The following ANKH variants were observed in gnomAD, a reference collection of about 807,000 sequenced individuals.
ANKH encodes ANKH inorganic pyrophosphate transport regulator, also known as mineralization regulator ANKH.
ANKH carries 15 observed loss-of-function variants against 49.0 expected under a neutral mutation model. The observed-to-expected ratio is 0.31, with a 90% CI of 0.20 to 0.47. The LOEUF (loss-of-function observed/expected upper bound fraction) is 0.47, where lower values mean the gene tolerates loss of function less well. Among genes scored for constraint, ANKH ranks in the 20% least tolerant of loss-of-function variants. The pLI, the probability that ANKH is intolerant of heterozygous loss-of-function variation, is 1.00. For missense variants in ANKH, 429 were observed against 652.0 expected (o/e 0.66, Z 3.72); for synonymous variants, 273 against 260.0 (o/e 1.05, Z -0.48).
At chr5:14,783,649 T>C (rs1219427163) in intron 1 of ANKH, among the ~76,000 whole-genome samples, 2 of 152,232 alleles carry the variant, frequency 1.3e-5, no homozygotes, top group East Asian at 1.9e-4. Flanking sequence ...TTAAGAATTA[T>C]ATGTCCTGAA....
intron 8 of ANKH, among the ~76,000 whole-genome samples, chr5:14,720,800 A>G (rs1404091664): frequency 6.6e-6 from 1 of 152,238 alleles, no homozygotes; most frequent in Non-Finnish European, 1.5e-5. Flanking sequence ...ATGTGAGATA[A>G]TGCCTCACAC....
intron 1 of ANKH, among the ~76,000 whole-genome samples, chr5:14,830,116 C>T (rs1008821581): frequency 1.3e-5 from 2 of 152,222 alleles, no homozygotes; most frequent in African/African-American, 2.4e-5. Flanking sequence ...AAAATCAGCA[C>T]AACAGACTGA....
intron 1 of ANKH, among the ~76,000 whole-genome samples, chr5:14,830,717 C>A (rs1002142312): frequency 6.6e-6 from 1 of 152,214 alleles, no homozygotes; most frequent in Non-Finnish European, 1.5e-5. Context: ...TTTTCCCAAA[C>A]TGCCTCTCCA....
intron 1 of ANKH, among the ~76,000 whole-genome samples, chr5:14,807,539 G>A (rs775652433): frequency 1.3e-5 from 2 of 152,116 alleles, no homozygotes; most frequent in Non-Finnish European, 2.9e-5. Flanking sequence ...CTGTGAGAAC[G>A]GTAAACCTAT....
At chr5:14,731,988 C>G (rs551969088) in intron 8 of ANKH, among the ~76,000 whole-genome samples, 1 of 152,330 alleles carries the variant, frequency 6.6e-6, no homozygotes, top group Admixed American at 6.5e-5. Context: ...GGAAGCATCA[C>G]GTGTGCCCCA....
Position 14,806,277 on chromosome 5 carries a change from C to T in ANKH, c.97-37086G>A, listed in dbSNP as rs185269416. Among the ~76,000 whole-genome samples the T allele has an allele frequency of 2.1e-3, 317 of 151,266 alleles. 3 individuals carry two copies. The highest frequency in any genetic ancestry group is 7.4e-3 in the African/African-American group (306 of 41,186). ...ACGACCTGCACCACCCTCAACCCCC[C>T]AAAAAAACTCGAAACATCTCAACAT... On this transcript the variant is annotated intron_variant, in intron 1 of 11. Coordinates refer to ENST00000284268, the MANE Select transcript of ANKH (RefSeq NM_054027.6).
In ANKH at chr5:14,713,398, G is replaced by C; in HGVS notation, c.1265+146C>G. ...TGGATCCCAAGAGCCTCCACCTGGTGCCTGGGCAGACACACAAAACATCAT... is the reference window on the plus strand; with the variant it reads ...TGGATCCCAAGAGCCTCCACCTGGTCCCTGGGCAGACACACAAAACATCAT... On this transcript the variant is annotated intron_variant, in intron 10 of 11. Transcript: ENST00000284268. This position sits in a 1 kb window ranked among gnomAD's most constrained non-coding sequence, Gnocchi z 4.4. 8.2e-7 allele frequency: 1 copy of C among 1,218,572 alleles called. No homozygotes were observed. Among genetic ancestry groups the C allele is most frequent in the Non-Finnish European group, 1.2e-6 (1 of 851,030 alleles). The allele number at this position is 1,218,572 out of a possible 1,614,324, so 75.5% of individuals were successfully genotyped here. A position where few individuals can be genotyped will look rare whatever the true frequency, so the allele number is the denominator to read the frequency against.
intron 2 of ANKH, chr5:14,768,228 A>G (rs1476154010): frequency 1.3e-5 from 2 of 152,322 alleles, no homozygotes. Flanking sequence ...AACAATTTTA[A>G]GGTACACAAT....
At chr5:14,779,906 T>A (rs541606955) in intron 1 of ANKH, among the ~76,000 whole-genome samples, 82 of 152,326 alleles carry the variant, frequency 5.4e-4, no homozygotes, top group Non-Finnish European at 1.0e-3. Flanking sequence ...GCCTCCTTGG[T>A]GTAAAGCGAA....
intron 1 of ANKH, among the ~76,000 whole-genome samples, chr5:14,802,382 C>T (rs1580080058): frequency 1.3e-5 from 2 of 152,182 alleles, no homozygotes; most frequent in South Asian, 2.1e-4. Context: ...CTATCACTTC[C>T]CAGACCCACC....
intron 8 of ANKH, among the ~76,000 whole-genome samples, chr5:14,736,471 A>G (rs1038492596): frequency 6.6e-6 from 1 of 152,202 alleles, no homozygotes; most frequent in Non-Finnish European, 1.5e-5. Context: ...TCTAAAGTTT[A>G]TAGCCATTTT....
At chr5:14,759,145 C>T (rs958944411) in intron 2 of ANKH, among the ~76,000 whole-genome samples, 3 of 152,202 alleles carry the variant, frequency 2.0e-5, no homozygotes, top group Admixed American at 1.3e-4. Flanking sequence ...AGCTTTTTCA[C>T]ACTTGCCAGT....
chr5:14,726,229 C>G (rs997417289), intron 8 of ANKH, among the ~76,000 whole-genome samples: 1 of 152,194 alleles, frequency 6.6e-6, no homozygotes, highest in Non-Finnish European at 1.5e-5. Flanking sequence ...GCTCGACTTT[C>G]CAGAGAGAGC....
chr5:14,842,614 C>T (rs1028489935), intron 1 of ANKH, among the ~76,000 whole-genome samples: 3 of 152,130 alleles, frequency 2.0e-5, no homozygotes, highest in African/African-American at 4.8e-5. Context: ...ACTGATCATT[C>T]CAGACCACAG....
intron 1 of ANKH, among the ~76,000 whole-genome samples, chr5:14,857,314 T>C (rs1735306273): frequency 6.6e-6 from 1 of 152,162 alleles, no homozygotes; most frequent in East Asian, 1.9e-4. Context: ...GTCCAAAAGG[T>C]ATTTATTTTA....
intron 1 of ANKH, among the ~76,000 whole-genome samples, chr5:14,814,476 C>A (rs960957807): frequency 1.3e-5 from 2 of 152,008 alleles, no homozygotes; most frequent in Non-Finnish European, 2.9e-5. Flanking sequence ...CATGGTGGTG[C>A]ACATCTGTGG....
At chr5:14,796,495 A>ATT (rs1740394140) in intron 1 of ANKH, among the ~76,000 whole-genome samples, 1 of 148,936 alleles carries the variant, frequency 6.7e-6, no homozygotes, top group Admixed American at 6.7e-5. Flanking sequence ...AAAAAACACC[A>ATT]TTTCACAGAC....
At chr5:14,865,039 C>T (rs927712648) in intron 1 of ANKH, among the ~76,000 whole-genome samples, 4 of 152,046 alleles carry the variant, frequency 2.6e-5, no homozygotes, top group Admixed American at 6.6e-5. Context: ...GGCAGGGGGA[C>T]GACCTGAGGT....
At chr5:14,769,704 G>A (rs569324072) in intron 1 of ANKH, among the ~76,000 whole-genome samples, 26 of 151,806 alleles carry the variant, frequency 1.7e-4, no homozygotes, top group Non-Finnish European at 3.5e-4. Flanking sequence ...TCATAGCAGA[G>A]CTCTATGCTA....
Sources: gnomAD v4.1 joint callset for allele counts (sites outside exome capture counted in the v4.1 genomes callset) on GRCh38, gnomAD v4.1.1 for gene constraint, Gnocchi (gnomAD v3.1) non-coding constraint, MANE v1.5 for transcripts, NCBI Gene and HGNC (gene_info 2026-07-23, HGNC 2026-07-21) for gene names.